The following SPAG16 variants were observed in gnomAD, a reference collection of about 807,000 sequenced individuals.
SPAG16 encodes sperm-associated antigen 16 protein.
SPAG16 carries 86 observed loss-of-function variants against 80.4 expected under a neutral mutation model. The observed-to-expected ratio is 1.07, with a 90% CI of 0.90 to 1.28. SPAG16 has a LOEUF of 1.28. SPAG16 is among the 50% of genes most tolerant of loss of function. The pLI is 0.00. For synonymous variants in SPAG16, 294 were observed against 265.9 expected (o/e 1.11, Z -1.03); for missense variants, 870 against 765.3 (o/e 1.14, Z -1.61).
intron 9 of SPAG16, among the ~76,000 whole-genome samples, chr2:213,484,583 G>A (rs559983516): frequency 6.6e-6 from 1 of 152,134 alleles, no homozygotes; most frequent in East Asian, 1.9e-4. Flanking sequence ...ATTAAGACAA[G>A]GAAAGAAAAG....
At chr2:213,414,767 A>G (rs143926269) in intron 9 of SPAG16, among the ~76,000 whole-genome samples, 117 of 152,372 alleles carry the variant, frequency 7.7e-4, no homozygotes, top group Middle Eastern at 3.4e-3. Context: ...CTGATAAACT[A>G]TTTGACCTAG....
chr2:213,618,472 C>A (rs2061669655), intron 10 of SPAG16, among the ~76,000 whole-genome samples: 1 of 152,200 alleles, frequency 6.6e-6, no homozygotes, highest in Non-Finnish European at 1.5e-5. Context: ...AAAGTATCTG[C>A]TTTCCTCAAC....
At chr2:214,277,750 G>C (rs1053500454) in intron 15 of SPAG16, among the ~76,000 whole-genome samples, 5 of 152,204 alleles carry the variant, frequency 3.3e-5, no homozygotes, top group African/African-American at 1.2e-4. Flanking sequence ...TCCCAGTTAG[G>C]CTACACAGGG....
At chr2:213,716,974 T>A (rs1462691180) in intron 10 of SPAG16, among the ~76,000 whole-genome samples, 1 of 151,946 alleles carries the variant, frequency 6.6e-6, no homozygotes, top group African/African-American at 2.4e-5. Context: ...TTTGTGCTTA[T>A]TTTTTTTCCT....
intron 15 of SPAG16, among the ~76,000 whole-genome samples, chr2:214,278,434 A>T (rs1401035875): frequency 1.3e-5 from 2 of 152,164 alleles, no homozygotes; most frequent in Admixed American, 6.5e-5. Flanking sequence ...AGCTGTTCCT[A>T]TGCAGCCATC....
chr2:214,213,601 CA>C, intron 15 of SPAG16, among the ~76,000 whole-genome samples: 1 of 152,278 alleles, frequency 6.6e-6, no homozygotes, highest in South Asian at 2.1e-4. Flanking sequence ...TGATGTTTAG[CA>C]GCATTCCTGG....
At chr2:213,619,938 A>G (rs922633663) in intron 10 of SPAG16, among the ~76,000 whole-genome samples, 1 of 152,236 alleles carries the variant, frequency 6.6e-6, no homozygotes, top group African/African-American at 2.4e-5. Flanking sequence ...ATGAATGGAT[A>G]AATAAAATGT....
chr2:213,838,215 A>T (rs2074194578), intron 10 of SPAG16, among the ~76,000 whole-genome samples: 1 of 152,106 alleles, frequency 6.6e-6, no homozygotes, highest in African/African-American at 2.4e-5. Context: ...TCTGTTGCCC[A>T]GGCTGCAGTG....
chr2:213,292,383 G>T (rs997914265), intron 1 of SPAG16, among the ~76,000 whole-genome samples: 1 of 152,116 alleles, frequency 6.6e-6, no homozygotes, highest in Non-Finnish European at 1.5e-5. Context: ...AACTATCAGA[G>T]GCCGGGTGCG....
Position 213,929,106 on chromosome 2 carries a change from G to A in SPAG16, c.1215-854G>A, listed in dbSNP as rs558837955. Among the ~76,000 whole-genome samples, 6 of 142,940 alleles carry A rather than the reference G, an allele frequency of 4.2e-5. No individual in the cohort carries two copies. The South Asian group carries it at 6.8e-4, about 16-fold the overall frequency. 93.8% of individuals were successfully genotyped at this position (142,940 alleles called of 152,430 possible). A position where few individuals can be genotyped will look rare whatever the true frequency, so the allele number is the denominator to read the frequency against. Reference sequence around the variant, plus strand: ...TGGGCTCACTGAAACCTCTGTCCCCGGGGTTCAAGCAACTCTCCTGCCTCA... The same window carrying A: ...TGGGCTCACTGAAACCTCTGTCCCCAGGGTTCAAGCAACTCTCCTGCCTCA... On this transcript the variant is annotated intron_variant, in intron 11 of 15. Coordinates refer to ENST00000331683, the MANE Select transcript of SPAG16 (RefSeq NM_024532.5).
intron 9 of SPAG16, among the ~76,000 whole-genome samples, chr2:213,412,328 C>G (rs1280613965): frequency 2.0e-5 from 3 of 152,202 alleles, no homozygotes; most frequent in Non-Finnish European, 4.4e-5. Flanking sequence ...CCACATGTGT[C>G]AGGGATAAGA....
Position 213,705,738 on chromosome 2 carries a change from A to G in SPAG16, c.1071-156747A>G, listed in dbSNP as rs542957114. 1.6e-4 allele frequency among the ~76,000 whole-genome samples: 25 copies of G among 152,332 alleles called. No homozygotes were observed. In the South Asian group the frequency reaches 4.6e-3, roughly 28 times the overall value. On this transcript the variant is annotated intron_variant, in intron 10 of 15. Transcript: ENST00000331683. ...AGTCTTTTGAAAGAGAATTTATAACATCTTGGAGCTCTCAAATAAAAAGAG... is the reference window on the plus strand; with the variant it reads ...AGTCTTTTGAAAGAGAATTTATAACGTCTTGGAGCTCTCAAATAAAAAGAG...
At chr2:214,074,529 A>G (rs984948192) in intron 13 of SPAG16, among the ~76,000 whole-genome samples, 4 of 152,180 alleles carry the variant, frequency 2.6e-5, no homozygotes, top group African/African-American at 9.7e-5. Context: ...ATGGGCCACA[A>G]CATGTATTAT....
chr2:213,733,742 T>C (rs2067166862), intron 10 of SPAG16, among the ~76,000 whole-genome samples: 1 of 152,104 alleles, frequency 6.6e-6, no homozygotes, highest in African/African-American at 2.4e-5. Context: ...GTGAGACTTC[T>C]GTTGTGTTTC....
intron 15 of SPAG16, among the ~76,000 whole-genome samples, chr2:214,292,205 T>G (rs896763984): frequency 5.3e-5 from 8 of 152,182 alleles, no homozygotes; most frequent in Non-Finnish European, 8.8e-5. Context: ...TTTAGATGGT[T>G]GGACTATAAT....
intron 10 of SPAG16, among the ~76,000 whole-genome samples, chr2:213,839,616 A>AT (rs568257844): frequency 2.6e-4 from 39 of 151,646 alleles, no homozygotes; most frequent in South Asian, 8.3e-4. Flanking sequence ...CTAAAATGAC[A>AT]TTTTTTTTTA....
intron 15 of SPAG16, among the ~76,000 whole-genome samples, chr2:214,204,609 C>G (rs2058092847): frequency 6.6e-6 from 1 of 152,190 alleles, no homozygotes; most frequent in Non-Finnish European, 1.5e-5. Flanking sequence ...CTCAGAAAGC[C>G]CCATCCCTAG....
chr2:213,311,061 A>G (rs543549179), intron 4 of SPAG16, among the ~76,000 whole-genome samples: 2 of 151,852 alleles, frequency 1.3e-5, no homozygotes, highest in East Asian at 1.9e-4. Context: ...GAACATGCAC[A>G]TAAGCGCAGT....
intron 10 of SPAG16, among the ~76,000 whole-genome samples, chr2:213,850,502 G>A (rs2074847042): frequency 6.6e-6 from 1 of 152,170 alleles, no homozygotes; most frequent in South Asian, 2.1e-4. Context: ...AACTGGAAGG[G>A]GAAACACAGA....
Sources: gnomAD v4.1 joint callset for allele counts (sites outside exome capture counted in the v4.1 genomes callset) on GRCh38, gnomAD v4.1.1 for gene constraint, MANE v1.5 for transcripts, NCBI Gene and HGNC (gene_info 2026-07-23, HGNC 2026-07-21) for gene names.